Variants in SLCO1A2 observed in about 807,000 individuals in gnomAD.
SLCO1A2 encodes the protein OATP-1.
A neutral mutation model predicts 69.0 loss-of-function variants in SLCO1A2; 67 were observed. That is an observed-to-expected ratio of 0.97 (90% CI 0.80 to 1.19). SLCO1A2 has a LOEUF of 1.19. SLCO1A2 is among the 50% of genes most tolerant of loss of function. The probability of loss-of-function intolerance (pLI) is 0.00; values close to 1 mark genes in which losing one functional copy is unlikely to be tolerated. For missense variants in SLCO1A2, 787 were observed against 793.7 expected (o/e 0.99, Z 0.10); for synonymous variants, 260 against 265.9 (o/e 0.98, Z 0.22).
intron 1 of SLCO1A2, among the ~76,000 whole-genome samples, chr12:21,402,481 G>C (rs997752882): frequency 1.3e-5 from 2 of 152,010 alleles, no homozygotes; most frequent in Non-Finnish European, 2.9e-5. Context: ...CCTTATTTTT[G>C]CATACAGTTA....
chr12:21,400,614 CT>C (rs1371484263), intron 1 of SLCO1A2, among the ~76,000 whole-genome samples: 1 of 151,434 alleles, frequency 6.6e-6, no homozygotes, highest in Admixed American at 6.6e-5. Flanking sequence ...ATAGCAAAGA[CT>C]TGGAACCAAC....
At chr12:21,301,648 T>A (rs920160746) in intron 6 of SLCO1A2, among the ~76,000 whole-genome samples, 3 of 152,206 alleles carry the variant, frequency 2.0e-5, no homozygotes, top group African/African-American at 7.2e-5. Context: ...CAATACCATC[T>A]TATAGTGGAT....
chr12:21,269,425 TAA>T lies in SLCO1A2; in HGVS notation c.*121_*122del, dbSNP rs796639830. On this transcript the variant is annotated 3_prime_UTR_variant, in exon 15 of 15. Coordinates refer to ENST00000683939, the MANE Select transcript of SLCO1A2 (RefSeq NM_001386879.1). ...TAGTGAACATTTTATTATTTTGAGT[TAA>T]GAGGTTTTTTAGGTTCTTAAAGACA... 8.1e-6 allele frequency: 5 copies of T among 619,578 alleles called. No individual in the cohort carries two copies. Among genetic ancestry groups the T allele is most frequent in the Middle Eastern group, 4.5e-4 (1 of 2,234 alleles). The allele number at this position is 619,578 out of a possible 1,614,324, so 38.4% of individuals were successfully genotyped here.
intron 14 of SLCO1A2, among the ~76,000 whole-genome samples, chr12:21,272,285 C>T (rs1300313562): frequency 6.6e-6 from 1 of 151,686 alleles, no homozygotes; most frequent in African/African-American, 2.4e-5. Flanking sequence ...ATACATTTAT[C>T]TGTATATTCA....
chr12:21,332,209 T>A (rs1433311942), intron 2 of SLCO1A2, among the ~76,000 whole-genome samples: 1 of 152,150 alleles, frequency 6.6e-6, no homozygotes, highest in African/African-American at 2.4e-5. Context: ...CATCAATCAA[T>A]ACATGTAAGA....
intron 12 of SLCO1A2, among the ~76,000 whole-genome samples, chr12:21,276,419 CACACAG>C (rs1355128870): frequency 2.1e-5 from 3 of 145,130 alleles, no homozygotes; most frequent in Non-Finnish European, 4.4e-5. Flanking sequence ...CACACACACA[CACACAG>C]ACCTATCTGT....
At chr12:21,300,294 T>C in intron 8 of SLCO1A2, 54 bp downstream of exon 8, 1 of 1,276,080 alleles carries the variant, frequency 7.8e-7, no homozygotes, top group Admixed American at 2.0e-5. Context: ...AATACAGACA[T>C]ATCTATATGA....
At chr12:21,270,334 T>G (rs1472508335) in intron 14 of SLCO1A2, among the ~76,000 whole-genome samples, 1 of 151,830 alleles carries the variant, frequency 6.6e-6, no homozygotes, top group Non-Finnish European at 1.5e-5. Flanking sequence ...ATAGATTTTC[T>G]GATATTGACC....
upstream of SLCO1A2, among the ~76,000 whole-genome samples, chr12:21,397,173 G>A (rs1013867079): frequency 1.1e-4 from 16 of 151,942 alleles, no homozygotes; most frequent in Non-Finnish European, 1.8e-4. Flanking sequence ...AAAGGATGGA[G>A]GAAGATCTAC....
At chr12:21,300,093 AGAGAG>A (rs66709964) in intron 8 of SLCO1A2, among the ~76,000 whole-genome samples, 13,589 of 150,966 alleles carry the variant, frequency 0.09, 836 homozygotes, top group Non-Finnish European at 0.13. Flanking sequence ...AAAGAGAGAG[AGAGAG>A]GAGAGTGCCA....
chr12:21,300,278 G>T, intron 8 of SLCO1A2, 70 bp downstream of exon 8: 1 of 1,136,756 alleles, frequency 8.8e-7, no homozygotes, highest in Non-Finnish European at 1.3e-6. Context: ...CATAGTGTTA[G>T]ACTAAAATAC....
chr12:21,350,213 A>G (rs1937822066), intron 2 of SLCO1A2, among the ~76,000 whole-genome samples: 1 of 151,996 alleles, frequency 6.6e-6, no homozygotes, highest in East Asian at 1.9e-4. Context: ...CTTAAGACTT[A>G]TGTATATAGT....
At chr12:21,361,671 G>A (rs945732462) in intron 2 of SLCO1A2, among the ~76,000 whole-genome samples, 4 of 152,118 alleles carry the variant, frequency 2.6e-5, no homozygotes, top group African/African-American at 7.2e-5. Context: ...TGGCAGTGTA[G>A]AGAAAAGACA....
At chr12:21,340,707 G>A (rs1381115953) in intron 2 of SLCO1A2, among the ~76,000 whole-genome samples, 1 of 151,814 alleles carries the variant, frequency 6.6e-6, no homozygotes, top group Non-Finnish European at 1.5e-5. Context: ...AGCTTGCCTA[G>A]TGGTAAAATT....
chr12:21,354,429 T>A (rs1461702776), intron 2 of SLCO1A2, among the ~76,000 whole-genome samples: 1 of 152,186 alleles, frequency 6.6e-6, no homozygotes, highest in Non-Finnish European at 1.5e-5. Context: ...TAAAGCCAGA[T>A]AAAGATAGTT....
intron 1 of SLCO1A2, among the ~76,000 whole-genome samples, chr12:21,410,784 G>A (rs1941895327): frequency 6.6e-6 from 1 of 151,962 alleles, no homozygotes; most frequent in African/African-American, 2.4e-5. Flanking sequence ...CAAATGGTTA[G>A]GTATAAAATT....
chr12:21,363,663 G>C (rs1939125500), intron 2 of SLCO1A2, among the ~76,000 whole-genome samples: 1 of 152,088 alleles, frequency 6.6e-6, no homozygotes, highest in Non-Finnish European at 1.5e-5. Context: ...GACTAATAAA[G>C]AAGAAAAGAG....
chr12:21,315,904 T>C (rs1950807708), intron 3 of SLCO1A2, among the ~76,000 whole-genome samples: 1 of 152,184 alleles, frequency 6.6e-6, no homozygotes, highest in South Asian at 2.1e-4. Flanking sequence ...ATAATTGCAA[T>C]GAGAAAGCAT....
At chr12:21,330,365 G>A (rs1952530301) in intron 2 of SLCO1A2, among the ~76,000 whole-genome samples, 1 of 150,194 alleles carries the variant, frequency 6.7e-6, no homozygotes, top group Non-Finnish European at 1.5e-5. Context: ...AAATAAAAAA[G>A]CTTGGCTTTG....
Sources: gnomAD v4.1 joint callset for allele counts (sites outside exome capture counted in the v4.1 genomes callset) on GRCh38, gnomAD v4.1.1 for gene constraint, MANE v1.5 for transcripts, NCBI Gene and HGNC (gene_info 2026-07-23, HGNC 2026-07-21) for gene names.